The following SPHKAP variants were observed in gnomAD, a reference collection of about 807,000 sequenced individuals.
SPHKAP encodes SPHK1 interactor, AKAP domain containing, also known as A-kinase anchor protein SPHKAP.
Under a neutral mutation model 137.5 loss-of-function variants are expected in SPHKAP, and 67 were observed. The ratio of observed to expected loss-of-function variants is 0.49; its 90% CI spans 0.40 to 0.60. SPHKAP has a LOEUF of 0.60. Among genes scored for constraint, SPHKAP ranks in the 20% least tolerant of loss-of-function variants. The probability of loss-of-function intolerance (pLI) is 0.00; values close to 1 mark genes in which losing one functional copy is unlikely to be tolerated. For missense variants in SPHKAP, 2,097 were observed against 2,069.3 expected, an observed-to-expected ratio of 1.01 and a Z score of -0.26; for synonymous variants, 813 against 785.3, an observed-to-expected ratio of 1.04 and a Z score of -0.59.
At chr2:228,043,485 C>T (rs567079293) in intron 3 of SPHKAP, among the ~76,000 whole-genome samples, 5 of 152,110 alleles carry the variant, frequency 3.3e-5, no homozygotes, top group African/African-American at 1.2e-4. Flanking sequence ...TGCCACCATG[C>T]CTGGCTAATT....
chr2:228,040,746 T>TA (rs957843047), intron 3 of SPHKAP, among the ~76,000 whole-genome samples: 1 of 152,236 alleles, frequency 6.6e-6, no homozygotes, highest in African/African-American at 2.4e-5. Flanking sequence ...AAAATAAAAT[T>TA]AAAAAAATAA....
chr2:228,053,828 A>G (rs755544152), intron 3 of SPHKAP, among the ~76,000 whole-genome samples: 1 of 152,162 alleles, frequency 6.6e-6, no homozygotes, highest in Non-Finnish European at 1.5e-5. Flanking sequence ...CCATTTTCTG[A>G]AAATTTCACA....
At chr2:228,158,317 T>C (rs958659952) in intron 1 of SPHKAP, among the ~76,000 whole-genome samples, 1 of 135,786 alleles carries the variant, frequency 7.4e-6, no homozygotes, top group African/African-American at 2.8e-5. Flanking sequence ...AATTGTAATT[T>C]ACTTCTTTCT....
At chr2:228,022,173 A>G (rs1694865206) in intron 5 of SPHKAP, 3 of 985,304 alleles carry the variant, frequency 3.0e-6, no homozygotes, top group Non-Finnish European at 3.6e-6. Flanking sequence ...AGAAAGCCTG[A>G]CTTAGGGAAA....
chr2:228,146,823 A>T (rs1254900678), intron 1 of SPHKAP, among the ~76,000 whole-genome samples: 1 of 152,232 alleles, frequency 6.6e-6, no homozygotes, highest in African/African-American at 2.4e-5. Context: ...ATATAGGTTC[A>T]TTCCATGTCT....
chr2:228,122,422 G>A (rs1698940448), intron 2 of SPHKAP, among the ~76,000 whole-genome samples: 1 of 152,184 alleles, frequency 6.6e-6, no homozygotes, highest in Non-Finnish European at 1.5e-5. Flanking sequence ...TGTCACCACT[G>A]TACAGAAAAA....
In SPHKAP at chr2:228,107,531, C is replaced by T. The variant is rs145174338; in HGVS notation, c.246+1301G>A. ...GCATTCTCATTGTAGGTCTGAAATC[C>T]AGACCCCCAACATATACTCTTTGCC... On this transcript the variant is annotated intron_variant, in intron 3 of 11. Coordinates refer to ENST00000392056, the MANE Select transcript of SPHKAP (RefSeq NM_001142644.2). Among the ~76,000 whole-genome samples the T allele has an allele frequency of 4.3e-3, 657 of 152,214 alleles. 6 individuals carry two copies. The highest frequency in any genetic ancestry group is 0.015 in the African/African-American group (613 of 41,542).
In SPHKAP at chr2:227,999,590, T is replaced by A. The variant is rs114340223; in HGVS notation, c.4449-3896A>T. ...GCTATTTCTTACTAAAGAAGTTAAA[T>A]CTCAGTGATTGACATCCAACATCCT... is the stretch of plus-strand genomic sequence containing the variant. On this transcript the variant is annotated intron_variant, in intron 7 of 11. Coordinates refer to ENST00000392056, the MANE Select transcript of SPHKAP (RefSeq NM_001142644.2). Among the ~76,000 whole-genome samples, 1,232 of 152,326 alleles carry A rather than the reference T, an allele frequency of 8.1e-3. 17 individuals carry two copies. Among genetic ancestry groups the A allele is most frequent in the African/African-American group, 0.027 (1,130 of 41,568 alleles).
chr2:228,123,425 T>C (rs1003343392), intron 2 of SPHKAP, among the ~76,000 whole-genome samples: 1 of 152,222 alleles, frequency 6.6e-6, no homozygotes, highest in African/African-American at 2.4e-5. Flanking sequence ...AGGGGGAAAT[T>C]CTTGTGTCTT....
intron 11 of SPHKAP, among the ~76,000 whole-genome samples, chr2:227,983,284 C>T (rs1201689692): frequency 6.6e-6 from 1 of 152,154 alleles, no homozygotes; most frequent in Non-Finnish European, 1.5e-5. Flanking sequence ...TGTGATGGTA[C>T]CAACTATTTG....
intron 1 of SPHKAP, among the ~76,000 whole-genome samples, chr2:228,150,576 T>G (rs1699897354): frequency 6.6e-6 from 1 of 152,166 alleles, no homozygotes; most frequent in Admixed American, 6.5e-5. Context: ...TTAATAATGT[T>G]ATATTATTGA....
At chr2:228,063,437 C>T (rs139561833) in intron 3 of SPHKAP, among the ~76,000 whole-genome samples, 65 of 152,206 alleles carry the variant, frequency 4.3e-4, no homozygotes, top group South Asian at 1.0e-3. Context: ...AGTGTTGATG[C>T]TATGGTTGGT....
chr2:228,024,289 G>T (rs1015837367), intron 5 of SPHKAP, among the ~76,000 whole-genome samples: 1 of 150,766 alleles, frequency 6.6e-6, no homozygotes, highest in Admixed American at 6.6e-5. Flanking sequence ...GAATTTCTCA[G>T]TAATACCTGT....
At chr2:228,024,679 G>A (rs1051114035) in intron 5 of SPHKAP, among the ~76,000 whole-genome samples, 10 of 152,100 alleles carry the variant, frequency 6.6e-5, no homozygotes, top group Non-Finnish European at 4.4e-5. Context: ...AGAACAATTT[G>A]TGGAAAACAA....
chr2:227,985,042 T>C (rs978742472), intron 11 of SPHKAP, among the ~76,000 whole-genome samples: 9 of 152,206 alleles, frequency 5.9e-5, no homozygotes, highest in Non-Finnish European at 1.3e-4. Flanking sequence ...CAGAATTCTC[T>C]CTGCCTCATA....
chr2:228,123,010 G>C (rs1175441425), intron 2 of SPHKAP, among the ~76,000 whole-genome samples: 1 of 152,046 alleles, frequency 6.6e-6, no homozygotes, highest in Non-Finnish European at 1.5e-5. Flanking sequence ...TCCTGATCTT[G>C]ACTGCCAAAG....
rs533700750 is a variant in SPHKAP at position 228,126,738 on chromosome 2, T to C, written c.138+5242A>G. 2.0e-5 allele frequency among the ~76,000 whole-genome samples: 3 copies of C among 152,114 alleles called. No individual in the cohort carries two copies. The South Asian group carries it at 6.2e-4, about 32-fold the overall frequency. On this transcript the variant is annotated intron_variant, in intron 2 of 11. Coordinates refer to ENST00000392056, the MANE Select transcript of SPHKAP (RefSeq NM_001142644.2). ...ACTACCAAAAATATATATTGAAGAG[T>C]TCCTCCCTAAGCACACCAAAGTCTC... is the stretch of plus-strand genomic sequence containing the variant.
At chr2:228,011,718 C>T (rs1422981661) in intron 7 of SPHKAP, among the ~76,000 whole-genome samples, 2 of 151,934 alleles carry the variant, frequency 1.3e-5, no homozygotes, top group African/African-American at 4.8e-5. Flanking sequence ...TTTTAATTGA[C>T]AGTAATTGTA....
intron 3 of SPHKAP, among the ~76,000 whole-genome samples, chr2:228,093,828 C>A (rs888855458): frequency 1.0e-4 from 14 of 137,656 alleles, no homozygotes; most frequent in African/African-American, 3.8e-4. Context: ...CCATTGCACT[C>A]CAGCCTGGGC....
Sources: allele counts gnomAD v4.1 joint callset (sites outside exome capture counted in the v4.1 genomes callset), GRCh38; gene constraint gnomAD v4.1.1; transcripts MANE v1.5; gene names NCBI Gene and HGNC (gene_info 2026-07-23, HGNC 2026-07-21).